The following XPO6 variants were observed in gnomAD, a reference collection of about 807,000 sequenced individuals.
XPO6 encodes exportin 6.
XPO6 carries 3 observed loss-of-function variants against 130.0 expected under a neutral mutation model. That is an observed-to-expected ratio of 0.02 (90% CI 0.01 to 0.06). The LOEUF is 0.06. Ranked by LOEUF, XPO6 falls within the 10% of genes least tolerant of loss-of-function variation. XPO6 has a pLI of 1.00. For missense variants in XPO6, 970 were observed against 1,393.0 expected (o/e 0.70, Z 4.83); for synonymous variants, 524 against 548.9 (o/e 0.95, Z 0.63).
At chr16:28,138,012 T>C (rs1380758502) in intron 9 of XPO6, among the ~76,000 whole-genome samples, 1 of 152,084 alleles carries the variant, frequency 6.6e-6, no homozygotes, top group African/African-American at 2.4e-5. Flanking sequence ...TCCCCAACTG[T>C]ATGCAAACGA....
chr16:28,159,431 G>A (rs901102422), intron 6 of XPO6, among the ~76,000 whole-genome samples: 2 of 152,144 alleles, frequency 1.3e-5, no homozygotes, highest in African/African-American at 4.8e-5. Context: ...AAACACCTCA[G>A]TCAGACTTCT....
Position 28,098,572 on chromosome 16 carries a change from T to C in XPO6, c.3344A>G (p.Asn1115Ser). 1 of 1,612,938 alleles carries C rather than the reference T, an allele frequency of 6.2e-7. No homozygotes were observed. Among genetic ancestry groups the C allele is most frequent in the South Asian group, 1.1e-5 (1 of 90,942 alleles). ...VNDLRYYRLC[N>S]DSLPPGTVKL is the part of the protein sequence containing the mutation. ...CACAGTGCCAGGGGGCAGGCTGTCG[T>C]TGCAGAGTCTGTAGTAGCGCAGGTC... Residue 1115 changes from asparagine to serine, a missense_variant, in exon 24 of 24, where the codon AAC (asparagine) becomes AGC (serine). Asn to Ser is a conservative substitution (Grantham distance 46). Transcript: ENST00000304658.
chr16:28,162,302 G>C (rs1365990801), intron 6 of XPO6, among the ~76,000 whole-genome samples: 1 of 152,232 alleles, frequency 6.6e-6, no homozygotes, highest in Non-Finnish European at 1.5e-5. Context: ...GTATTTTAGT[G>C]GATGGCGGAA....
intron 3 of XPO6, among the ~76,000 whole-genome samples, chr16:28,176,812 AG>A (rs568863957): frequency 1.3e-5 from 2 of 151,968 alleles, no homozygotes; most frequent in Non-Finnish European, 2.9e-5. Flanking sequence ...CCCGGCCTAC[AG>A]TTAGGCTTTT....
intron 1 of XPO6, 132 bp downstream of exon 1, chr16:28,211,234 T>C: frequency 1.1e-6 from 1 of 920,812 alleles, no homozygotes; most frequent in Non-Finnish European, 1.5e-6. Flanking sequence ...TGCACGCATG[T>C]GTCACCGGCC....
intron 16 of XPO6, among the ~76,000 whole-genome samples, chr16:28,112,350 C>T (rs765789052): frequency 6.6e-6 from 1 of 152,186 alleles, no homozygotes; most frequent in Non-Finnish European, 1.5e-5. Context: ...TGAGAAGCTA[C>T]TTAGAGCAGG....
chr16:28,202,970 A>C (rs2043975011), intron 1 of XPO6, among the ~76,000 whole-genome samples: 1 of 152,198 alleles, frequency 6.6e-6, no homozygotes, highest in Non-Finnish European at 1.5e-5. Context: ...AATCTTGAAA[A>C]GTGGTAAAGA....
intron 4 of XPO6, among the ~76,000 whole-genome samples, chr16:28,173,692 A>C (rs183214998): frequency 6.6e-6 from 1 of 152,346 alleles, no homozygotes; most frequent in Admixed American, 6.5e-5. Flanking sequence ...CAAAGTCACG[A>C]AAGCTACATG....
chr16:28,167,479 C>T (rs899231784), intron 5 of XPO6, among the ~76,000 whole-genome samples: 1 of 152,198 alleles, frequency 6.6e-6, no homozygotes, highest in African/African-American at 2.4e-5. Context: ...CAACCTCTGA[C>T]CTGCTCTCCT....
chr16:28,146,605 C>T (rs1266858896), intron 8 of XPO6, among the ~76,000 whole-genome samples: 1 of 152,182 alleles, frequency 6.6e-6, no homozygotes, highest in Admixed American at 6.5e-5. Context: ...TTACCCCCAG[C>T]CAATGCTCTT....
At position 28,107,728 on chromosome 16, in the gene XPO6, G is replaced by A. The variant is rs1230062447; in HGVS notation, c.2342-51C>T. ...TATAAGCTGTCTGGGGAGAAAGCAT[G>A]GTAAGAGGAGACACAAGGGAGAGGG... On this transcript the variant is annotated intron_variant, in intron 17 of 23. Transcript: ENST00000304658. 2.5e-6 allele frequency: 4 copies of A among 1,599,106 alleles called. No individual in the cohort carries two copies. In the Admixed American group the frequency reaches 6.7e-5, roughly 27 times the overall value.
At position 28,132,654 on chromosome 16, in the gene XPO6, T is replaced by TAAAA. The variant is rs11291125; in HGVS notation, c.1537-255_1537-252dup. Among the ~76,000 whole-genome samples the TAAAA allele has an allele frequency of 1.4e-5, 2 of 138,372 alleles. No individual in the cohort carries two copies. The highest frequency in any genetic ancestry group is 7.1e-5 in the Admixed American group (1 of 14,100). 90.8% of individuals were successfully genotyped at this position (138,372 alleles called of 152,430 possible). A position where few individuals can be genotyped will look rare whatever the true frequency, so the allele number is the denominator to read the frequency against. On this transcript the variant is annotated intron_variant, in intron 11 of 23. Transcript: ENST00000304658. This position sits in a 1 kb window ranked among gnomAD's most constrained non-coding sequence, Gnocchi z 4.0. The stretch of plus-strand genomic sequence containing the variant: ...AAACGTATTAGTTCAACCCTTTTTT[T>TAAAA]AAAAAAAAAAAAAAAGCAAAGGACA...
chr16:28,165,029 C>CA (rs1184343353), intron 6 of XPO6, among the ~76,000 whole-genome samples: 1 of 152,106 alleles, frequency 6.6e-6, no homozygotes, highest in Non-Finnish European at 1.5e-5. Context: ...TCAGCCTGGG[C>CA]AACATGGCGA....
In XPO6 at chr16:28,178,831, G is replaced by T. The variant is rs2043572037; in HGVS notation, c.95-1499C>A. 2.6e-5 allele frequency among the ~76,000 whole-genome samples: 4 copies of T among 151,980 alleles called. No homozygotes were observed. The South Asian group carries it at 8.3e-4, about 32-fold the overall frequency. Reference sequence around the variant, plus strand: ...GCCCGTTAATCCCAGCACTTTCGGAGGCCAAGGCGGGTGTATCACGAGGTC... The same window carrying T: ...GCCCGTTAATCCCAGCACTTTCGGATGCCAAGGCGGGTGTATCACGAGGTC... On this transcript the variant is annotated intron_variant, in intron 2 of 23. Coordinates refer to ENST00000304658, the MANE Select transcript of XPO6 (RefSeq NM_015171.4).
intron 7 of XPO6, chr16:28,153,214 C>T (rs987545277): frequency 4.0e-6 from 4 of 992,818 alleles, no homozygotes; most frequent in African/African-American, 3.5e-5. Context: ...AACCAGGCTA[C>T]GAAGGGCATG....
At chr16:28,148,522 A>C (rs745919971) in intron 8 of XPO6, among the ~76,000 whole-genome samples, 2 of 152,174 alleles carry the variant, frequency 1.3e-5, no homozygotes, top group Non-Finnish European at 2.9e-5. Context: ...CAGGGCTACA[A>C]ATCCAGGTTT....
intron 15 of XPO6, 154 bp downstream of exon 15, chr16:28,117,164 C>T: frequency 9.5e-7 from 1 of 1,048,826 alleles, no homozygotes; most frequent in Non-Finnish European, 1.4e-6. Flanking sequence ...TAGGCTACAA[C>T]TAAAAAGGAA....
chr16:28,138,947 C>T (rs2042833259), intron 9 of XPO6, among the ~76,000 whole-genome samples: 1 of 152,150 alleles, frequency 6.6e-6, no homozygotes. Context: ...CAGATGCCAA[C>T]CTCAAGATGA....
chr16:28,172,256 T>C (rs1484760944), intron 4 of XPO6, among the ~76,000 whole-genome samples: 1 of 152,256 alleles, frequency 6.6e-6, no homozygotes, highest in Non-Finnish European at 1.5e-5. Flanking sequence ...TGTCTCCCTT[T>C]ACCATCTTCA....
Sources: gnomAD v4.1 joint callset for allele counts (sites outside exome capture counted in the v4.1 genomes callset) on GRCh38, gnomAD v4.1.1 for gene constraint, Gnocchi (gnomAD v3.1) non-coding constraint, MANE v1.5 for transcripts, NCBI Gene and HGNC (gene_info 2026-07-23, HGNC 2026-07-21) for gene names.